TNRC6B: variants seen among roughly 807,000 people sequenced by gnomAD.
TNRC6B encodes the protein trinucleotide repeat containing adaptor 6B, also known as trinucleotide repeat-containing gene 6B protein.
Under a neutral mutation model 203.6 loss-of-function variants are expected in TNRC6B, and 52 were observed. The ratio of observed to expected loss-of-function variants is 0.26; its 90% CI spans 0.20 to 0.32. TNRC6B has a LOEUF of 0.32. Ranked by LOEUF, TNRC6B falls within the 10% of genes least tolerant of loss-of-function variation. TNRC6B has a pLI of 1.00. For missense variants in TNRC6B, 1,923 were observed against 2,286.2 expected, an observed-to-expected ratio of 0.84 and a Z score of 3.24; for synonymous variants, 838 against 845.7, an observed-to-expected ratio of 0.99 and a Z score of 0.16.
chr22:40,203,340 G>C lies in TNRC6B; in HGVS notation c.5+25200G>C, dbSNP rs1467902853. On this transcript the variant is annotated intron_variant, in intron 1 of 22. Coordinates refer to ENST00000454349, the MANE Select transcript of TNRC6B (RefSeq NM_001162501.2). ...TGTTTCTGGTTCTATGACCCACTTT[G>C]CTCTTTCCATCATTTCATGTCCTGC... Among the ~76,000 whole-genome samples the C allele has an allele frequency of 2.6e-5, 4 of 151,984 alleles. 1 individual carries two copies. The highest frequency in any genetic ancestry group is 5.9e-5 in the Non-Finnish European group (4 of 67,976).
At chr22:40,249,444 A>G (rs1415423018) in intron 2 of TNRC6B, among the ~76,000 whole-genome samples, 1 of 152,242 alleles carries the variant, frequency 6.6e-6, no homozygotes, top group Non-Finnish European at 1.5e-5. Flanking sequence ...GTAAACTGGT[A>G]GATACCCATT....
chr22:40,145,572 G>A (rs1324444444), intron 3 of TNRC6B, among the ~76,000 whole-genome samples: 2 of 152,014 alleles, frequency 1.3e-5, no homozygotes, highest in African/African-American at 4.8e-5. Flanking sequence ...GGCTGGGCAT[G>A]GTGGTTCACG....
At chr22:40,162,364 GA>G (rs2068878733) in intron 4 of TNRC6B, among the ~76,000 whole-genome samples, 1 of 152,110 alleles carries the variant, frequency 6.6e-6, no homozygotes, top group Non-Finnish European at 1.5e-5. Flanking sequence ...AAAGTGCTGG[GA>G]TTACAGGCGT....
intron 1 of TNRC6B, among the ~76,000 whole-genome samples, chr22:40,055,520 T>G (rs1488587948): frequency 6.6e-6 from 1 of 152,212 alleles, no homozygotes; most frequent in Non-Finnish European, 1.5e-5. Context: ...ACTCAGCCTC[T>G]TACTCCACTG....
At position 40,333,052 on chromosome 22, in the gene TNRC6B, A is replaced by G. The variant is rs1483583825; in HGVS notation, c.*9811A>G. 4 of 151,848 alleles carry G rather than the reference A, an allele frequency of 2.6e-5. No individual in the cohort carries two copies. Among genetic ancestry groups the G allele is most frequent in the African/African-American group, 9.7e-5 (4 of 41,332 alleles). The allele number at this position is 151,848 out of a possible 1,614,324, so 9.4% of individuals were successfully genotyped here. A position where few individuals can be genotyped will look rare whatever the true frequency, so the allele number is the denominator to read the frequency against. On this transcript the variant is annotated 3_prime_UTR_variant, in exon 23 of 23. Coordinates refer to ENST00000454349, the MANE Select transcript of TNRC6B (RefSeq NM_001162501.2). ...ACAGTGACAGCAGACCAGTATGTAA[A>G]CCCTGTCTTGGCTGGGCGCGGTGGC...
chr22:40,326,317 A>G lies in TNRC6B; in HGVS notation c.*3076A>G, dbSNP rs1200031143. On this transcript the variant is annotated 3_prime_UTR_variant, in exon 23 of 23. Coordinates refer to ENST00000454349, the MANE Select transcript of TNRC6B (RefSeq NM_001162501.2). ...GTTTAAACAATTTTTACTTAAAAAAATGTAAAAAGAAAAGTCTCCAAACAT... is the reference window on the plus strand; with the variant it reads ...GTTTAAACAATTTTTACTTAAAAAAGTGTAAAAAGAAAAGTCTCCAAACAT... 6.6e-6 allele frequency: 1 copy of G among 152,648 alleles called. No homozygotes were observed. Among genetic ancestry groups the G allele is most frequent in the African/African-American group, 2.4e-5 (1 of 41,466 alleles). The allele number at this position is 152,648 out of a possible 1,614,324, so 9.5% of individuals were successfully genotyped here.
chr22:40,242,821 T>C (rs2070050319), intron 1 of TNRC6B, among the ~76,000 whole-genome samples: 1 of 152,130 alleles, frequency 6.6e-6, no homozygotes, highest in African/African-American at 2.4e-5. Flanking sequence ...TCCACATAGA[T>C]GTCCATTGCT....
At chr22:40,220,205 T>G (rs1170184979) in intron 1 of TNRC6B, among the ~76,000 whole-genome samples, 1 of 152,200 alleles carries the variant, frequency 6.6e-6, no homozygotes, top group Non-Finnish European at 1.5e-5. Context: ...TCTGGGCTTA[T>G]GGAGTGTGTA....
intron 1 of TNRC6B, among the ~76,000 whole-genome samples, chr22:40,065,902 T>C (rs996142306): frequency 6.6e-6 from 1 of 152,164 alleles, no homozygotes; most frequent in African/African-American, 2.4e-5. Context: ...AGATTGTTTC[T>C]TCTAATCATT....
upstream of TNRC6B, among the ~76,000 whole-genome samples, chr22:40,173,791 ATATTTTT>A (rs1462461436): frequency 1.6e-4 from 7 of 44,444 alleles, no homozygotes; most frequent in South Asian, 5.7e-3. Context: ...ATATATATAT[ATATTTTT>A]TTTTTTTTTT....
At chr22:40,207,380 C>G (rs1032072976) in intron 1 of TNRC6B, among the ~76,000 whole-genome samples, 1 of 139,770 alleles carries the variant, frequency 7.2e-6, no homozygotes, top group Admixed American at 8.2e-5. Context: ...GCACCCCAGC[C>G]TGGGCGATGG....
At chr22:40,316,933 CAG>C (rs890564821) in intron 21 of TNRC6B, among the ~76,000 whole-genome samples, 1 of 152,074 alleles carries the variant, frequency 6.6e-6, no homozygotes, top group Non-Finnish European at 1.5e-5. Context: ...AAAAAACAAA[CAG>C]AGTAGGGTGG....
At chr22:40,304,174 T>G (rs535533565) in intron 15 of TNRC6B, among the ~76,000 whole-genome samples, 1 of 152,352 alleles carries the variant, frequency 6.6e-6, no homozygotes, top group Non-Finnish European at 1.5e-5. Context: ...GCAAGAATAA[T>G]TGAAAGTTTC....
At chr22:40,091,788 C>T (rs990680341) in intron 1 of TNRC6B, among the ~76,000 whole-genome samples, 3 of 152,054 alleles carry the variant, frequency 2.0e-5, no homozygotes, top group African/African-American at 7.2e-5. Flanking sequence ...ATATTATTGT[C>T]TACTTCTGTG....
At chr22:40,050,472 G>C (rs2067735465) in intron 1 of TNRC6B, among the ~76,000 whole-genome samples, 1 of 152,044 alleles carries the variant, frequency 6.6e-6, no homozygotes, top group Admixed American at 6.6e-5. Flanking sequence ...GTATACACCT[G>C]CACCACTCTC....
intron 1 of TNRC6B, among the ~76,000 whole-genome samples, chr22:40,076,514 C>G (rs1360339339): frequency 2.0e-5 from 3 of 152,258 alleles, no homozygotes; most frequent in Non-Finnish European, 4.4e-5. Context: ...CAGTTTCTAT[C>G]TTTTGGCACC....
rs743898 is a variant in TNRC6B, at chr22:40,275,704, A to C, written c.3142-1373A>C. Among the ~76,000 whole-genome samples, 407 of 152,136 alleles carry C rather than the reference A, an allele frequency of 2.7e-3. 5 individuals are homozygous for C. The highest frequency in any genetic ancestry group is 7.7e-3 in the Admixed American group (117 of 15,290). ...CTGGCTGCGGTGGCTCATGCCTGTA[A>C]TCCCAACACTTTGGGAGGCTGAGGC... is the stretch of plus-strand genomic sequence containing the variant. On this transcript the variant is annotated intron_variant, in intron 7 of 22. Transcript: ENST00000454349.
chr22:40,101,213 C>T (rs570655913), intron 1 of TNRC6B, among the ~76,000 whole-genome samples: 144 of 152,148 alleles, frequency 9.5e-4, no homozygotes, highest in African/African-American at 3.3e-3. Context: ...AGGATGGTCT[C>T]GATCTCCTAA....
At chr22:40,119,498 C>T (rs1050812153) in intron 2 of TNRC6B, among the ~76,000 whole-genome samples, 4 of 152,116 alleles carry the variant, frequency 2.6e-5, no homozygotes, top group Admixed American at 2.0e-4. Context: ...GCAGGAGAAT[C>T]GCTTGAACCT....
Sources: allele counts gnomAD v4.1 joint callset (sites outside exome capture counted in the v4.1 genomes callset), GRCh38; gene constraint gnomAD v4.1.1; transcripts MANE v1.5; gene names NCBI Gene and HGNC (gene_info 2026-07-23, HGNC 2026-07-21).